The following MUC6 variants were observed in gnomAD, a reference collection of about 807,000 sequenced individuals.
MUC6 encodes mucin 6, oligomeric mucus/gel-forming (gene/pseudogene).
Under a neutral mutation model 201.5 loss-of-function variants are expected in MUC6, and 188 were observed. The ratio of observed to expected loss-of-function variants is 0.93; its 90% confidence interval spans 0.83 to 1.05. MUC6 has a LOEUF of 1.05. Among genes scored for constraint, MUC6 ranks in the 50% least tolerant of loss-of-function variants. The pLI is 0.00. For synonymous variants in MUC6, 1,228 were observed against 1,389.4 expected (o/e 0.88, Z 2.58); for missense variants, 2,706 against 3,256.9 (o/e 0.83, Z 4.12).
chr11:1,032,774 G>A (rs948769947), intron 2 of MUC6, among the ~76,000 whole-genome samples: 8 of 151,470 alleles, frequency 5.3e-5, no homozygotes, highest in Non-Finnish European at 1.0e-4. Flanking sequence ...TGTTGGGTGT[G>A]TGTGTGACGT....
chr11:1,021,309 C>CTGG (rs1479520045), intron 26 of MUC6, 32 bp from the exon 27 acceptor site: 1 of 1,463,896 alleles, frequency 6.8e-7, no homozygotes, highest in Non-Finnish European at 9.1e-7. Flanking sequence ...GTCTGTGTGA[C>CTGG]TGGTGGCCAG....
At position 1,019,813 on chromosome 11, in the gene MUC6, A is replaced by AG. The variant is rs1856767731; in HGVS notation, c.3808+276dup. 1.3e-5 allele frequency: 8 copies of AG among 634,540 alleles called. No individual in the cohort carries two copies. In the Admixed American group the frequency reaches 2.2e-4, roughly 18 times the overall value. 39.3% of individuals were successfully genotyped at this position (634,540 alleles called of 1,614,324 possible). On this transcript the variant is annotated intron_variant, in intron 29 of 32. Coordinates refer to ENST00000421673, the MANE Select transcript of MUC6 (RefSeq NM_005961.3). Reference sequence around the variant, plus strand: ...GATGGGGCCCTGCTCGGTGTGGGGCAGGGGCAGGCTGCCTGGCAGAGGCCC... The same window carrying AG: ...GATGGGGCCCTGCTCGGTGTGGGGCAGGGGGCAGGCTGCCTGGCAGAGGCCC...
chr11:1,027,923 A>T (rs1857004184), intron 15 of MUC6, 42 bp downstream of exon 15: 1 of 1,561,512 alleles, frequency 6.4e-7, no homozygotes, highest in East Asian at 2.4e-5. Context: ...CAGCCACCAC[A>T]GCCTCCCCTG....
At position 1,033,026 on chromosome 11, in the gene MUC6, G is replaced by C. The variant is rs763549398; in HGVS notation, c.102C>G (p.Asp34Glu). The part of the protein sequence containing the change: ...YTSPGLQRLK[D>E]SPQTAPDKGQ... ...CTGTGTTCTTACCTGTCTGTGGAGA[G>C]TCCTTCAGCCTCTGGAGGCCTGGGC... The change falls in exon 2 of 33, where the codon GAC becomes GAG. Residue 34 changes from aspartate (D) to glutamate (E), a missense_variant. By Grantham distance (45) the Asp-to-Glu change is conservative (BLOSUM62 2). Transcript: ENST00000421673. The surrounding 1 kb of genome is among the most constrained non-coding windows in gnomAD (Gnocchi z 5.6). The C allele has an allele frequency of 6.2e-7, 1 of 1,603,568 alleles. No homozygotes were observed. The highest frequency in any genetic ancestry group is 1.3e-5 in the African/African-American group (1 of 74,840).
At chr11:1,034,789 G>A (rs1857180280) in intron 1 of MUC6, among the ~76,000 whole-genome samples, 1 of 152,160 alleles carries the variant, frequency 6.6e-6, no homozygotes, top group African/African-American at 2.4e-5. Flanking sequence ...GCCCTGCCAG[G>A]CTGGCTTCAC....
intron 26 of MUC6, 38 bp from the exon 27 acceptor site, chr11:1,021,315 GC>G: frequency 1.4e-6 from 2 of 1,417,546 alleles, no homozygotes; most frequent in Non-Finnish European, 1.9e-6. Context: ...GTGACTGGTG[GC>G]CAGCCAGGCC....
chr11:1,020,890 C>T (rs115202860), intron 27 of MUC6, among the ~76,000 whole-genome samples, 156 bp from the exon 28 acceptor site: 3,239 of 152,308 alleles, frequency 0.021, 129 homozygotes, highest in African/African-American at 0.074. Flanking sequence ...CTCTCCCTTT[C>T]TCCTTCCCAG....
rs752079260 is a variant in MUC6 at position 1,023,573 on chromosome 11, C to T, written c.3462G>A (p.Thr1154=). ...GGCAGAGGCAGGGCTGGTAGTGCCA[C>T]GTGCAGTTGGCCTCCTGTGTGTACT... is the stretch of plus-strand genomic sequence containing the variant. ...EYQYTQEANC[T]WHYQPCLCPS... Residue 1154 remains threonine, a synonymous_variant, in exon 26 of 33, where the codon ACG becomes ACA. Transcript: ENST00000421673. 1.9e-5 allele frequency: 31 copies of T among 1,610,758 alleles called. No homozygotes were observed. Among genetic ancestry groups the T allele is most frequent in the Admixed American group, 1.2e-4 (7 of 59,548 alleles).
In MUC6 at chr11:1,018,064, A is replaced by C. The variant is rs756426964; in HGVS notation, c.4737T>G (p.Pro1579=). The change falls in exon 31 of 33, where the codon CCT becomes CCG. Residue 1579 remains proline (P), a synonymous_variant. Coordinates refer to ENST00000421673, the MANE Select transcript of MUC6 (RefSeq NM_005961.3). ...PPPPFTTHSP[P]TGSSPFSSTG... is the part of the protein sequence containing the mutation. ...TGGAAGAGAAGGGACTGCTCCCTGTAGGTGGGGAGTGTGTGGTGAAGGGTG... is the reference window on the plus strand; with the variant it reads ...TGGAAGAGAAGGGACTGCTCCCTGTCGGTGGGGAGTGTGTGGTGAAGGGTG... The C allele has an allele frequency of 6.2e-7, 1 of 1,613,776 alleles. No homozygotes were observed. Among genetic ancestry groups the C allele is most frequent in the Non-Finnish European group, 8.5e-7 (1 of 1,179,728 alleles).
chr11:1,032,614 G>A (rs1399475077), intron 2 of MUC6, among the ~76,000 whole-genome samples: 1 of 150,670 alleles, frequency 6.6e-6, no homozygotes, highest in South Asian at 2.1e-4. Context: ...TGTGTAAGTC[G>A]TGCGTGTTGT....
intron 22 of MUC6, 126 bp from the exon 23 acceptor site, chr11:1,025,493 C>T: frequency 8.6e-7 from 1 of 1,162,660 alleles, no homozygotes; most frequent in Non-Finnish European, 1.2e-6. Context: ...GGAGCGCCTG[C>T]TGAGAGCCAG....
At chr11:1,031,553 C>T in intron 4 of MUC6, 54 bp downstream of exon 4, 1 of 1,531,888 alleles carries the variant, frequency 6.5e-7, no homozygotes, top group South Asian at 1.2e-5. Flanking sequence ...CCAAGTCCCA[C>T]CTGCCCCCCC....
chr11:1,013,693 C>G (rs2133809122), intron 32 of MUC6, 60 bp from the exon 33 acceptor site: 1 of 1,499,784 alleles, frequency 6.7e-7, no homozygotes, highest in East Asian at 2.5e-5. Flanking sequence ...AGGCCCCTCC[C>G]TCCCCAGGGC....
At position 1,018,475 on chromosome 11, in the gene MUC6, T is replaced by C. The variant is rs1302095485; in HGVS notation, c.4326A>G (p.Thr1442=). The change falls in exon 31 of 33, where the codon ACA becomes ACG. Residue 1442 remains threonine, a synonymous_variant. Coordinates refer to ENST00000421673, the MANE Select transcript of MUC6 (RefSeq NM_005961.3). ...AGAAAGGTGGAACGTGAGTGGGAAG[T>C]GTGGTCTCAGGGTGTGATGGGGTTG... The part of the protein sequence containing the change: ...TYPTPSHPET[T]LPTHVPPFST... The C allele has an allele frequency of 1.9e-6, 3 of 1,608,632 alleles. No individual in the cohort carries two copies. The African/African-American group carries it at 4.1e-5, about 22-fold the overall frequency.
rs974146006 is a variant in MUC6 at position 1,036,586 on chromosome 11, C to T, written c.52+18G>A. 1.9e-6 allele frequency: 3 copies of T among 1,548,870 alleles called. No individual in the cohort carries two copies. Among genetic ancestry groups the T allele is most frequent in the Admixed American group, 2.0e-5 (1 of 50,966 alleles). On this transcript the variant is annotated intron_variant, in intron 1 of 32. Coordinates refer to ENST00000421673, the MANE Select transcript of MUC6 (RefSeq NM_005961.3). ...TCTGAGGGCACCGCAGTGTCTGGCGCCCCTCGACCTCACTCACCAGCGCTG... is the reference window on the plus strand; with the variant it reads ...TCTGAGGGCACCGCAGTGTCTGGCGTCCCTCGACCTCACTCACCAGCGCTG...
At position 1,018,639 on chromosome 11, in the gene MUC6, T is replaced by G; in HGVS notation, c.4162A>C (p.Thr1388Pro). ...TCAGTAGTCGTTCTTGTTTGAGTGG[T>G]CTCTGTGGCTGTGGGCCTCGTGGGT... ...GQPTRPTATE[T>P]TQTRTTTEYT... Residue 1388 changes from threonine to proline, a missense_variant, in exon 31 of 33, where the codon ACC becomes CCC. Coordinates refer to ENST00000421673, the MANE Select transcript of MUC6 (RefSeq NM_005961.3). 1 of 1,613,298 alleles carries G rather than the reference T, an allele frequency of 6.2e-7. No homozygotes were observed. The highest frequency in any genetic ancestry group is 8.5e-7 in the Non-Finnish European group (1 of 1,179,642).
rs777405799 is a variant in MUC6 at position 1,020,274 on chromosome 11, G to A, written c.3641-17C>T. 3 of 1,593,728 alleles carry A rather than the reference G, an allele frequency of 1.9e-6. No individual in the cohort carries two copies. Among genetic ancestry groups the A allele is most frequent in the African/African-American group, 2.7e-5 (2 of 73,812 alleles). ...GCCGTGAGCCTGGGTGGGCGGACATGCCATCAGGGCTGCAGGGTACCGGCA... is the reference window on the plus strand; with the variant it reads ...GCCGTGAGCCTGGGTGGGCGGACATACCATCAGGGCTGCAGGGTACCGGCA... On this transcript the variant is annotated splice_polypyrimidine_tract_variant and intron_variant, in intron 28 of 32. Transcript: ENST00000421673.
rs1194188063 is a variant in MUC6 at position 1,013,585 on chromosome 11, G to C, written c.7191C>G (p.Arg2397=). The change falls in exon 33 of 33, where the codon CGC becomes CGG. Residue 2397 remains arginine, a synonymous_variant. Transcript: ENST00000421673. ...GCTGCTGCTCATAGGAGTGGAGGGGGCGGCAGCAGCTGCAGCGGGCATCCA... is the reference window on the plus strand; with the variant it reads ...GCTGCTGCTCATAGGAGTGGAGGGGCCGGCAGCAGCTGCAGCGGGCATCCA... ...QQVDARCSCC[R]PLHSYEQQLE... 1 of 1,570,330 alleles carries C rather than the reference G, an allele frequency of 6.4e-7. No individual in the cohort carries two copies. The highest frequency in any genetic ancestry group is 8.6e-7 in the Non-Finnish European group (1 of 1,159,476).
intron 22 of MUC6, 92 bp downstream of exon 22, chr11:1,025,713 A>G (rs1003839763): frequency 9.0e-6 from 11 of 1,219,008 alleles, no homozygotes; most frequent in African/African-American, 6.0e-5. Flanking sequence ...ATCTCGGGGC[A>G]GGACCTGGAG....
Sources: gnomAD v4.1 joint callset for allele counts (sites outside exome capture counted in the v4.1 genomes callset) on GRCh38, gnomAD v4.1.1 for gene constraint, Gnocchi (gnomAD v3.1) non-coding constraint, MANE v1.5 for transcripts, NCBI Gene and HGNC (gene_info 2026-07-23, HGNC 2026-07-21) for gene names.